The following PDE4D variants were observed in gnomAD, a reference collection of about 807,000 sequenced individuals.
PDE4D encodes the protein 3',5'-cyclic-AMP phosphodiesterase 4D.
In PDE4D, 24 loss-of-function variants were observed where a neutral mutation model predicts 87.4. That is an observed-to-expected ratio of 0.27 (90% confidence interval 0.20 to 0.39). The LOEUF is 0.39. PDE4D is among the 10% of genes least tolerant of loss of function. PDE4D has a pLI of 1.00. For missense variants in PDE4D, 714 were observed against 1,041.0 expected, an observed-to-expected ratio of 0.69 and a Z score of 4.32; for synonymous variants, 384 against 383.2, an observed-to-expected ratio of 1.00 and a Z score of -0.02.
intron 5 of PDE4D, among the ~76,000 whole-genome samples, chr5:59,122,468 C>G (rs956977695): frequency 9.2e-5 from 14 of 152,080 alleles, no homozygotes; most frequent in Admixed American, 5.9e-4. Context: ...AGAATAAGCT[C>G]TAATGTTCCA....
chr5:59,811,356 G>C (rs1037819163), intron 1 of PDE4D, among the ~76,000 whole-genome samples: 3 of 152,194 alleles, frequency 2.0e-5, no homozygotes, highest in Non-Finnish European at 4.4e-5. Flanking sequence ...ATTTCGGAAA[G>C]AGATGCACAT....
chr5:60,072,475 T>C (rs1307841295), intron 2 of PDE4D, among the ~76,000 whole-genome samples: 2 of 152,188 alleles, frequency 1.3e-5, no homozygotes, highest in Non-Finnish European at 2.9e-5. Flanking sequence ...TCTCTGTTGG[T>C]AGTTTCTTTT....
At chr5:59,774,503 A>G (rs999981050) in intron 1 of PDE4D, among the ~76,000 whole-genome samples, 3 of 152,134 alleles carry the variant, frequency 2.0e-5, no homozygotes, top group African/African-American at 7.2e-5. Flanking sequence ...TGAGCATATG[A>G]TGTGCTCTTC....
chr5:60,462,413 G>T, intron 1 of PDE4D, among the ~76,000 whole-genome samples: 1 of 152,138 alleles, frequency 6.6e-6, no homozygotes, highest in East Asian at 1.9e-4. Context: ...AGTGGAGCCA[G>T]GGCAAGAAGA....
intron 2 of PDE4D, among the ~76,000 whole-genome samples, chr5:59,208,525 T>A (rs1179110056): frequency 1.3e-5 from 2 of 152,256 alleles, no homozygotes; most frequent in Non-Finnish European, 2.9e-5. Context: ...TGGCACCATC[T>A]CACTGTAGCA....
At chr5:59,327,575 G>T (rs922524558) in intron 1 of PDE4D, among the ~76,000 whole-genome samples, 4 of 152,166 alleles carry the variant, frequency 2.6e-5, no homozygotes, top group African/African-American at 9.7e-5. Context: ...CTAGCTGTAT[G>T]CACTGACTTA....
At chr5:60,104,232 C>T (rs1206954803) in intron 2 of PDE4D, among the ~76,000 whole-genome samples, 1 of 152,212 alleles carries the variant, frequency 6.6e-6, no homozygotes, top group East Asian at 1.9e-4. Flanking sequence ...TTGGAGGGTC[C>T]TACGCCCACA....
intron 11 of PDE4D, among the ~76,000 whole-genome samples, chr5:58,987,102 G>A (rs1028333576): frequency 7.9e-5 from 12 of 152,144 alleles, no homozygotes; most frequent in Admixed American, 5.9e-4. Flanking sequence ...TAAAGTGCCA[G>A]CATGCACTGT....
intron 1 of PDE4D, among the ~76,000 whole-genome samples, chr5:60,254,344 A>G (rs1283863487): frequency 6.6e-6 from 1 of 151,936 alleles, no homozygotes; most frequent in Non-Finnish European, 1.5e-5. Flanking sequence ...AAAGAACACA[A>G]TTAGAAATAC....
At chr5:60,298,291 A>G (rs935493515) in intron 1 of PDE4D, among the ~76,000 whole-genome samples, 5 of 152,198 alleles carry the variant, frequency 3.3e-5, no homozygotes, top group African/African-American at 1.2e-4. Flanking sequence ...AAAAGTGTTT[A>G]CTAAAAGATC....
chr5:60,390,815 C>T (rs1762514491), intron 1 of PDE4D, among the ~76,000 whole-genome samples: 1 of 152,134 alleles, frequency 6.6e-6, no homozygotes, highest in Admixed American at 6.6e-5. Context: ...GAACCCTCTG[C>T]CCTCAGAGCC....
chr5:59,326,185 T>C (rs10063724), intron 1 of PDE4D, among the ~76,000 whole-genome samples: 20,600 of 151,876 alleles, frequency 0.14, 1,665 homozygotes, highest in East Asian at 0.35. Context: ...AGTTAATGGG[T>C]GCAGCACACC....
At chr5:60,388,775 G>A (rs1762371078) in intron 1 of PDE4D, among the ~76,000 whole-genome samples, 1 of 152,118 alleles carries the variant, frequency 6.6e-6, no homozygotes, top group South Asian at 2.1e-4. Flanking sequence ...GGCCTAAAGT[G>A]CCCCAACATT....
At chr5:59,849,511 C>T (rs1311012100) in intron 1 of PDE4D, among the ~76,000 whole-genome samples, 1 of 151,704 alleles carries the variant, frequency 6.6e-6, no homozygotes, top group South Asian at 2.1e-4. Context: ...TATGAGTGTC[C>T]CCTGTGAGCT....
At chr5:59,863,742 G>T (rs1255971990) in intron 1 of PDE4D, among the ~76,000 whole-genome samples, 7 of 152,130 alleles carry the variant, frequency 4.6e-5, no homozygotes, top group Non-Finnish European at 7.4e-5. Flanking sequence ...ATGTCTTTTA[G>T]TTCCCTAAGT....
At chr5:59,071,197 T>C (rs1481125588) in intron 5 of PDE4D, among the ~76,000 whole-genome samples, 1 of 152,222 alleles carries the variant, frequency 6.6e-6, no homozygotes, top group Non-Finnish European at 1.5e-5. Context: ...CTTTTGATTT[T>C]TGATCCTTCT....
intron 3 of PDE4D, among the ~76,000 whole-genome samples, chr5:59,952,081 C>T (rs1320088949): frequency 2.0e-5 from 3 of 152,116 alleles, no homozygotes; most frequent in Non-Finnish European, 4.4e-5. Context: ...CCCCATCCGG[C>T]TCTTGTGATA....
intron 1 of PDE4D, among the ~76,000 whole-genome samples, chr5:59,301,436 C>T (rs570263264): frequency 6.6e-6 from 1 of 152,148 alleles, no homozygotes; most frequent in East Asian, 1.9e-4. Context: ...CTTGAATCTA[C>T]ACTTATTATA....
At chr5:60,185,784 T>G (rs577497319) in intron 1 of PDE4D, 1 of 477,902 alleles carries the variant, frequency 2.1e-6, no homozygotes, top group East Asian at 3.1e-5. Flanking sequence ...CTTAAATAAT[T>G]CATCGGAACA....
Sources: allele counts gnomAD v4.1 joint callset (sites outside exome capture counted in the v4.1 genomes callset), GRCh38; gene constraint gnomAD v4.1.1; transcripts MANE v1.5; gene names NCBI Gene and HGNC (gene_info 2026-07-23, HGNC 2026-07-21).